The following GPR39 variants were observed in gnomAD, a reference collection of about 807,000 sequenced individuals.
GPR39 encodes the protein G protein-coupled receptor 39.
GPR39 carries 23 observed loss-of-function variants against 18.4 expected under a neutral mutation model. That is an observed-to-expected ratio of 1.25 (90% confidence interval 0.90 to 1.77). The LOEUF (loss-of-function observed/expected upper bound fraction) is 1.77, where lower values mean the gene tolerates loss of function less well. GPR39 is among the 40% of genes most tolerant of loss of function. GPR39 has a pLI of 0.00. For synonymous variants in GPR39, 280 were observed against 257.9 expected (o/e 1.09, Z -0.82); for missense variants, 647 against 602.4 (o/e 1.07, Z -0.78).
chr2:132,442,152 T>C (rs1039287047), intron 1 of GPR39, among the ~76,000 whole-genome samples: 57 of 152,066 alleles, frequency 3.7e-4, no homozygotes, highest in Non-Finnish European at 8.1e-4. Context: ...TTTCCTTCCC[T>C]CTTAGAAAAA....
intron 1 of GPR39, among the ~76,000 whole-genome samples, chr2:132,517,015 C>T (rs980968639): frequency 6.6e-6 from 1 of 152,038 alleles, no homozygotes; most frequent in African/African-American, 2.4e-5. Flanking sequence ...CTATAGGGTC[C>T]TGGCTAATTA....
chr2:132,483,216 CTAT>C (rs1190611261), intron 1 of GPR39, among the ~76,000 whole-genome samples: 2 of 152,170 alleles, frequency 1.3e-5, no homozygotes, highest in African/African-American at 2.4e-5. Context: ...GGTTCAACTA[CTAT>C]TGTTGTTGTT....
chr2:132,497,481 C>T (rs1400143407), intron 1 of GPR39, among the ~76,000 whole-genome samples: 2 of 152,180 alleles, frequency 1.3e-5, no homozygotes, highest in East Asian at 1.9e-4. Context: ...TCAAATACAA[C>T]TCTTCAATTG....
chr2:132,519,475 G>C (rs540171897), intron 1 of GPR39, among the ~76,000 whole-genome samples: 11 of 152,252 alleles, frequency 7.2e-5, no homozygotes, highest in African/African-American at 2.4e-4. Context: ...TTTAAATCTA[G>C]GAGAATATTT....
At chr2:132,595,291 C>T (rs372858296) in intron 1 of GPR39, among the ~76,000 whole-genome samples, 1 of 152,150 alleles carries the variant, frequency 6.6e-6, no homozygotes, top group African/African-American at 2.4e-5. Flanking sequence ...TGTGAGCCAC[C>T]GTGCCTGGCC....
rs150663806 is a variant in GPR39, at chr2:132,593,222, G to A, written c.857-51879G>A. Reference sequence around the variant, plus strand: ...GCTCACCTAAGCTTCAGTGGCCAGTGTTCACTGGCATTTCACTACATAAGC... The same window carrying A: ...GCTCACCTAAGCTTCAGTGGCCAGTATTCACTGGCATTTCACTACATAAGC... On this transcript the variant is annotated intron_variant, in intron 1 of 1. Coordinates refer to ENST00000329321, the MANE Select transcript of GPR39 (RefSeq NM_001508.3). 9.2e-3 allele frequency among the ~76,000 whole-genome samples: 1,401 copies of A among 152,246 alleles called. 7 individuals are homozygous for A. The highest frequency in any genetic ancestry group is 0.02 in the Middle Eastern group (6 of 294).
In GPR39 at chr2:132,417,840, G is replaced by C. The variant is rs1269189071; in HGVS notation, c.798G>C (p.Leu266=). ...SLAGGTRPPQ[L]RKSESEESRT... Reference sequence around the variant, plus strand: ...CCGGGGGCACGCGGCCTCCGCAGCTGAGGAAGTCCGAGAGCGAAGAGAGCA... The same window carrying C: ...CCGGGGGCACGCGGCCTCCGCAGCTCAGGAAGTCCGAGAGCGAAGAGAGCA... The change falls in exon 1 of 2, where the codon CTG becomes CTC. Residue 266 remains leucine (L), a synonymous_variant. Transcript: ENST00000329321. 1.2e-6 allele frequency: 2 copies of C among 1,612,544 alleles called. No homozygotes were observed. The highest frequency in any genetic ancestry group is 1.7e-6 in the Non-Finnish European group (2 of 1,179,970).
chr2:132,529,948 C>G (rs1344425516), intron 1 of GPR39, among the ~76,000 whole-genome samples: 2 of 152,202 alleles, frequency 1.3e-5, no homozygotes, highest in African/African-American at 2.4e-5. Flanking sequence ...CAGAGCGCCT[C>G]TCCTCCTCCA....
chr2:132,627,961 G>A (rs116515350), intron 1 of GPR39, among the ~76,000 whole-genome samples: 2,887 of 152,308 alleles, frequency 0.019, 86 homozygotes, highest in African/African-American at 0.066. Flanking sequence ...GACTGGCTGT[G>A]CCAGCAATGA....
At chr2:132,493,471 CAT>C (rs757460397) in intron 1 of GPR39, among the ~76,000 whole-genome samples, 84 of 129,168 alleles carry the variant, frequency 6.5e-4, no homozygotes, top group East Asian at 2.8e-3. Flanking sequence ...ATATATACAC[CAT>C]ATATATATAT....
chr2:132,543,577 C>G (rs1679895580), intron 1 of GPR39, among the ~76,000 whole-genome samples: 1 of 152,152 alleles, frequency 6.6e-6, no homozygotes, highest in South Asian at 2.1e-4. Flanking sequence ...GGTCACCTGC[C>G]TACTTGGACT....
intron 1 of GPR39, among the ~76,000 whole-genome samples, chr2:132,606,968 C>T (rs1681150047): frequency 6.6e-6 from 1 of 152,178 alleles, no homozygotes; most frequent in African/African-American, 2.4e-5. Context: ...CAGTGGTTTG[C>T]CACCTTCAGG....
At chr2:132,508,935 G>A (rs1385929587) in intron 1 of GPR39, among the ~76,000 whole-genome samples, 2 of 152,162 alleles carry the variant, frequency 1.3e-5, no homozygotes, top group Non-Finnish European at 2.9e-5. Context: ...GGTGCTTGGA[G>A]TACTCATTAA....
At chr2:132,528,611 G>A (rs1364646950) in intron 1 of GPR39, among the ~76,000 whole-genome samples, 2 of 151,996 alleles carry the variant, frequency 1.3e-5, no homozygotes, top group Non-Finnish European at 2.9e-5. Context: ...TGATTTTCTT[G>A]AACAGTGGTT....
intron 1 of GPR39, among the ~76,000 whole-genome samples, chr2:132,601,490 G>T (rs1364880870): frequency 1.3e-5 from 2 of 151,952 alleles, no homozygotes; most frequent in Non-Finnish European, 2.9e-5. Flanking sequence ...ATATATGACA[G>T]TCCCACCGCA....
intron 1 of GPR39, among the ~76,000 whole-genome samples, chr2:132,598,692 G>A (rs1473387091): frequency 6.6e-6 from 1 of 151,988 alleles, no homozygotes; most frequent in East Asian, 1.9e-4. Flanking sequence ...GTCCACCAGG[G>A]AGCCTAGAAA....
intron 1 of GPR39, among the ~76,000 whole-genome samples, chr2:132,637,140 G>A (rs559571201): frequency 1.9e-3 from 285 of 152,316 alleles, no homozygotes; most frequent in Middle Eastern, 3.4e-3. Context: ...CATCATAAAG[G>A]TACAGGAGCA....
rs753801511 is a variant in GPR39 at position 132,535,695 on chromosome 2, C to CTTTTTTTTTTTTTTTTTTTTTTTT, written c.857-109395_857-109394insTTTTTTTTTTTTTTTTTTTTTTTT. On this transcript the variant is annotated intron_variant, in intron 1 of 1. Transcript: ENST00000329321. Reference sequence around the variant, plus strand: ...GGCTGTGAATCCATCTGGTCCTGGGCTTTTTTTTTTTGGTTGGTAGGCTAT... The same window carrying CTTTTTTTTTTTTTTTTTTTTTTTT: ...GGCTGTGAATCCATCTGGTCCTGGGCTTTTTTTTTTTTTTTTTTTTTTTTTTTTTTTTTTTGGTTGGTAGGCTAT... Among the ~76,000 whole-genome samples, 102 of 96,422 alleles carry CTTTTTTTTTTTTTTTTTTTTTTTT rather than the reference C, an allele frequency of 1.1e-3. 10 individuals carry two copies. Among genetic ancestry groups the CTTTTTTTTTTTTTTTTTTTTTTTT allele is most frequent in the South Asian group, 2.6e-3 (6 of 2,270 alleles). The allele number at this position is 96,422 out of a possible 152,430, so 63.3% of individuals were successfully genotyped here. A position where few individuals can be genotyped will look rare whatever the true frequency, so the allele number is the denominator to read the frequency against.
chr2:132,547,634 G>C (rs1473734923), intron 1 of GPR39, among the ~76,000 whole-genome samples: 3 of 152,158 alleles, frequency 2.0e-5, no homozygotes, highest in African/African-American at 7.2e-5. Flanking sequence ...TCAGCTAATA[G>C]ACATTTTAAA....
Sources: gnomAD v4.1 joint callset for allele counts (sites outside exome capture counted in the v4.1 genomes callset) on GRCh38, gnomAD v4.1.1 for gene constraint, MANE v1.5 for transcripts, NCBI Gene and HGNC (gene_info 2026-07-23, HGNC 2026-07-21) for gene names.